NLRP2: variants seen among roughly 807,000 people sequenced by gnomAD.
NLRP2 encodes the protein NACHT, LRR and PYD domains-containing protein 2.
In NLRP2, 107 loss-of-function variants were observed where a neutral mutation model predicts 97.2. That is an observed-to-expected ratio of 1.10 (90% CI 0.94 to 1.29). NLRP2 has a LOEUF of 1.29. Ranked by LOEUF, NLRP2 falls within the 50% of genes most tolerant of loss-of-function variation. NLRP2 has a pLI of 0.00. For synonymous variants in NLRP2, 663 were observed against 551.5 expected (o/e 1.20, Z -2.83); for missense variants, 1,495 against 1,330.3 (o/e 1.12, Z -1.93).
intron 3 of NLRP2, chr19:54,976,829 TGATACGGAGTCTCGC>T: frequency 4.8e-6 from 2 of 420,334 alleles, no homozygotes; most frequent in Non-Finnish European, 4.6e-6. Context: ...TTTTTTTTTT[TGATACGGAGTCTCGC>T]TTGCTCTTTT....
chr19:55,000,813 A>C lies in NLRP2; in HGVS notation c.3104A>C (p.Glu1035Ala), dbSNP rs753661640. The change falls in exon 13 of 13, where the codon GAA becomes GCA. Residue 1035 changes from glutamate to alanine, a missense_variant. Coordinates refer to ENST00000448584, the MANE Select transcript of NLRP2 (RefSeq NM_017852.5). ...CTCAATAAGCTGCTGGAAGAAATAG[A>C]AGAAAAAAACCCACAACTGATTATT... is the stretch of plus-strand genomic sequence containing the variant. ...DELNKLLEEIEEKNPQLIIDT... is the reference protein window; with the variant it reads ...DELNKLLEEIAEKNPQLIIDT... The C allele has an allele frequency of 2.2e-5, 35 of 1,613,676 alleles. No individual in the cohort carries two copies. The Admixed American group carries it at 5.7e-4, about 26-fold the overall frequency.
intron 8 of NLRP2, among the ~76,000 whole-genome samples, chr19:54,988,333 C>T (rs34883216): frequency 0.25 from 38,030 of 151,958 alleles, 4,980 homozygotes; most frequent in East Asian, 0.28. Flanking sequence ...TGCTCTGTCT[C>T]CTAGGCTGGA....
intron 4 of NLRP2, 108 bp from the exon 5 acceptor site, chr19:54,981,509 G>GCCCCCCCCCCCCCCCCCCCCCCCCCAC: frequency 2.6e-6 from 1 of 386,504 alleles, no homozygotes; most frequent in Non-Finnish European, 5.3e-6. Flanking sequence ...CTGATCCCGT[G>GCCCCCCCCCCCCCCCCCCCCCCCCCAC]CCCCCCCTCC....
chr19:54,970,549 G>A (rs77900041), intron 2 of NLRP2, among the ~76,000 whole-genome samples: 6,975 of 151,958 alleles, frequency 0.046, 542 homozygotes, highest in African/African-American at 0.16. Flanking sequence ...CAGCTACTCC[G>A]GGAGGCTGAG....
chr19:54,971,160 T>G (rs901902529), intron 2 of NLRP2, among the ~76,000 whole-genome samples: 5 of 151,602 alleles, frequency 3.3e-5, no homozygotes, highest in Non-Finnish European at 7.4e-5. Flanking sequence ...CTCATCATTT[T>G]TTATGGCTGC....
chr19:54,983,131 C>G lies in NLRP2; in HGVS notation c.1433C>G (p.Ser478Cys). 6.2e-7 allele frequency: 1 copy of G among 1,613,672 alleles called. No individual in the cohort carries two copies. The highest frequency in any genetic ancestry group is 8.5e-7 in the Non-Finnish European group (1 of 1,179,958). Residue 478 changes from serine to cysteine, a missense_variant, in exon 6 of 13, where the codon TCC becomes TGC. Ser to Cys is a moderately radical substitution (Grantham distance 112, BLOSUM62 -1). Transcript: ENST00000448584. ...CTGGAAAGGCTCGGGGTGCAGGAGT[C>G]CGACCTCCGTCTGTTCCTGGACGGA... ...EDLERLGVQE[S>C]DLRLFLDGDI...
At chr19:54,980,964 G>A (rs147567914) in intron 4 of NLRP2, among the ~76,000 whole-genome samples, 15 of 152,202 alleles carry the variant, frequency 9.9e-5, no homozygotes, top group African/African-American at 2.9e-4. Context: ...ACAAAAATTA[G>A]CCTAGACGCA....
chr19:54,972,581 C>G (rs1437614161), intron 2 of NLRP2, among the ~76,000 whole-genome samples: 1 of 151,862 alleles, frequency 6.6e-6, no homozygotes, highest in African/African-American at 2.4e-5. Flanking sequence ...CTTGAGCAAT[C>G]CTACCACTAT....
intron 5 of NLRP2, 114 bp from the exon 6 acceptor site, chr19:54,982,048 G>A (rs1235487918): frequency 2.9e-5 from 39 of 1,346,330 alleles, no homozygotes; most frequent in Non-Finnish European, 3.9e-5. Flanking sequence ...AAAGGGCTGG[G>A]ATTACAGGCA....
Position 54,982,776 on chromosome 19 carries a change from C to T in NLRP2, c.1078C>T (p.Leu360=), listed in dbSNP as rs2071689704. 1.9e-6 allele frequency: 3 copies of T among 1,614,094 alleles called. No individual in the cohort carries two copies. The East Asian group carries it at 6.7e-5, about 36-fold the overall frequency. ...EPIYIRVEGF[L]EEDRRAYFLR... ...GATCTACATAAGGGTGGAGGGCTTC[C>T]TGGAGGAGGACAGGAGGGCCTATTT... Residue 360 remains leucine (L), a synonymous_variant, in exon 6 of 13, where the codon CTG becomes TTG. Coordinates refer to ENST00000448584, the MANE Select transcript of NLRP2 (RefSeq NM_017852.5).
chr19:54,968,999 CTG>C (rs1199107545), intron 1 of NLRP2, among the ~76,000 whole-genome samples: 2 of 152,134 alleles, frequency 1.3e-5, no homozygotes, highest in African/African-American at 4.8e-5. Context: ...CCGCGCCCGG[CTG>C]TGTGTTTGCA....
At chr19:54,972,959 C>G (rs1387332430) in intron 2 of NLRP2, among the ~76,000 whole-genome samples, 1 of 151,826 alleles carries the variant, frequency 6.6e-6, no homozygotes, top group Non-Finnish European at 1.5e-5. Flanking sequence ...GAGGCCAAGG[C>G]GGGTGGATCA....
chr19:54,974,072 G>T, intron 2 of NLRP2: 2 of 1,003,936 alleles, frequency 2.0e-6, no homozygotes, highest in Non-Finnish European at 3.1e-6. Flanking sequence ...AAAGATACAA[G>T]CAGCCAAGCG....
chr19:54,992,564 T>TTTC (rs2072556016), intron 10 of NLRP2, among the ~76,000 whole-genome samples: 6 of 135,114 alleles, frequency 4.4e-5, no homozygotes, highest in Admixed American at 3.2e-4. Flanking sequence ...TTCTTTTTTT[T>TTTC]TTTTTTTTGG....
chr19:54,997,783 A>G (rs942108542), intron 12 of NLRP2, among the ~76,000 whole-genome samples: 5 of 151,180 alleles, frequency 3.3e-5, no homozygotes, highest in African/African-American at 9.7e-5. Context: ...CTTTGAGGCA[A>G]GAACTCACTA....
chr19:54,971,575 A>G (rs1437173725), intron 2 of NLRP2, among the ~76,000 whole-genome samples: 1 of 151,416 alleles, frequency 6.6e-6, no homozygotes, highest in Non-Finnish European at 1.5e-5. Context: ...ATGGCCAGTG[A>G]TGATGAGCAT....
At chr19:54,981,509 G>GCCCTCC in intron 4 of NLRP2, 108 bp from the exon 5 acceptor site, 2 of 386,504 alleles carry the variant, frequency 5.2e-6, no homozygotes, top group Admixed American at 2.8e-5. Context: ...CTGATCCCGT[G>GCCCTCC]CCCCCCCTCC....
intron 8 of NLRP2, among the ~76,000 whole-genome samples, chr19:54,986,778 C>T (rs1183535169): frequency 6.6e-6 from 1 of 152,126 alleles, no homozygotes; most frequent in Non-Finnish European, 1.5e-5. Flanking sequence ...GAACTCATGA[C>T]CTCAGGTGAC....
intron 8 of NLRP2, among the ~76,000 whole-genome samples, chr19:54,986,697 C>A (rs1297270136): frequency 6.6e-6 from 1 of 151,920 alleles, no homozygotes; most frequent in Non-Finnish European, 1.5e-5. Context: ...ATTACAGGCA[C>A]CCGCCACCAC....
Sources: gnomAD v4.1 joint callset for allele counts (sites outside exome capture counted in the v4.1 genomes callset) on GRCh38, gnomAD v4.1.1 for gene constraint, MANE v1.5 for transcripts, NCBI Gene and HGNC (gene_info 2026-07-23, HGNC 2026-07-21) for gene names.